The following IGSF10 variants were observed in gnomAD, a reference collection of about 807,000 sequenced individuals.
The protein encoded by IGSF10 is immunoglobulin superfamily member 10, also known as calvaria mechanical force protein 608.
IGSF10 carries 126 observed loss-of-function variants against 128.2 expected under a neutral mutation model. The ratio of observed to expected loss-of-function variants is 0.98; its 90% CI spans 0.85 to 1.14. IGSF10 has a LOEUF of 1.14. Among genes scored for constraint, IGSF10 ranks in the 50% most tolerant of loss-of-function variants. The pLI is 0.00. For synonymous variants in IGSF10, 1,185 were observed against 1,146.2 expected (o/e 1.03, Z -0.68); for missense variants, 3,295 against 3,149.8 (o/e 1.05, Z -1.10).
At chr3:151,484,945 A>G in the IGSF10 span, among the ~76,000 whole-genome samples, 1 of 152,276 alleles carries the variant, frequency 6.6e-6, no homozygotes, top group African/African-American at 2.4e-5. Flanking sequence ...AACTGGATGG[A>G]GAATGAGTGT....
the IGSF10 span, among the ~76,000 whole-genome samples, chr3:151,495,615 C>A: frequency 6.6e-6 from 1 of 151,988 alleles, no homozygotes; most frequent in Non-Finnish European, 1.5e-5. Context: ...TAATAACAAG[C>A]ATCCCAAATG....
the IGSF10 span, among the ~76,000 whole-genome samples, chr3:151,582,211 A>T: frequency 6.7e-6 from 1 of 148,328 alleles, no homozygotes; most frequent in Non-Finnish European, 1.5e-5. Context: ...AGATATTTTC[A>T]TTGGCTTCCC....
the IGSF10 span, among the ~76,000 whole-genome samples, chr3:151,467,843 C>T: frequency 0.36 from 53,273 of 149,034 alleles, 9,534 homozygotes; most frequent in Middle Eastern, 0.39. Context: ...GAGATCGTGC[C>T]ACTGCATTCC....
At chr3:151,590,369 C>T in the IGSF10 span, among the ~76,000 whole-genome samples, 1 of 151,772 alleles carries the variant, frequency 6.6e-6, no homozygotes, top group East Asian at 1.9e-4. Context: ...AAAATGAAAA[C>T]AAGAAAAGAT....
chr3:151,548,986 A>G, the IGSF10 span, among the ~76,000 whole-genome samples: 1 of 151,992 alleles, frequency 6.6e-6, no homozygotes, highest in Non-Finnish European at 1.5e-5. Context: ...CTTCTTGTCT[A>G]TACTAGGATG....
the IGSF10 span, among the ~76,000 whole-genome samples, chr3:151,487,490 C>A: frequency 1.3e-5 from 2 of 152,164 alleles, no homozygotes; most frequent in African/African-American, 2.4e-5. Flanking sequence ...ATGAGGCCAG[C>A]ATCATCCTGA....
the IGSF10 span, among the ~76,000 whole-genome samples, chr3:151,584,805 G>C: frequency 6.6e-6 from 1 of 152,182 alleles, no homozygotes; most frequent in Non-Finnish European, 1.5e-5. Context: ...TCCTAGGGAA[G>C]CTGGTTCCTC....
the IGSF10 span, among the ~76,000 whole-genome samples, chr3:151,552,148 T>C: frequency 1.1e-4 from 16 of 152,210 alleles, no homozygotes; most frequent in South Asian, 3.3e-3. Flanking sequence ...GTGTAGCATT[T>C]CCCCCTTTGC....
the IGSF10 span, among the ~76,000 whole-genome samples, chr3:151,535,652 A>G: frequency 6.6e-6 from 1 of 152,182 alleles, no homozygotes. Context: ...TAGAATTAGA[A>G]TTTACAATAA....
chr3:151,518,136 A>G, the IGSF10 span, among the ~76,000 whole-genome samples: 1 of 152,036 alleles, frequency 6.6e-6, no homozygotes, highest in African/African-American at 2.4e-5. Context: ...GTTTTTCTGT[A>G]CATTGTGAAC....
the IGSF10 span, among the ~76,000 whole-genome samples, chr3:151,533,330 C>CA: frequency 1.3e-5 from 2 of 151,872 alleles, no homozygotes; most frequent in African/African-American, 2.4e-5. Flanking sequence ...CATATGGAAC[C>CA]AAAAAAAGAG....
chr3:151,461,301 C>A (rs959551323), upstream of IGSF10: 1 of 985,210 alleles, frequency 1.0e-6, no homozygotes, highest in Non-Finnish European at 1.2e-6. Context: ...CCTCCTTGAC[C>A]TCTTCCACCT....
At chr3:151,549,961 T>A in the IGSF10 span, among the ~76,000 whole-genome samples, 7 of 152,248 alleles carry the variant, frequency 4.6e-5, no homozygotes, top group African/African-American at 1.7e-4. Flanking sequence ...CTATTTCCAA[T>A]AAATATACAT....
chr3:151,444,899 A>T lies in IGSF10; in HGVS notation c.5062+20T>A, dbSNP rs370898306. 4.1e-5 allele frequency: 64 copies of T among 1,544,464 alleles called. No individual in the cohort carries two copies. In the African/African-American group the frequency reaches 8.0e-4, roughly 19 times the overall value. Reference sequence around the variant, plus strand: ...TTGTTTTCTAACAAAAACTAAGTGTAAAGAAAAAGTTTCACATACCTGATG... The same window carrying T: ...TTGTTTTCTAACAAAAACTAAGTGTTAAGAAAAAGTTTCACATACCTGATG... On this transcript the variant is annotated intron_variant, in intron 6 of 7. Coordinates refer to ENST00000282466, the MANE Select transcript of IGSF10 (RefSeq NM_178822.5).
chr3:151,604,750 A>G, the IGSF10 span, among the ~76,000 whole-genome samples: 1 of 152,094 alleles, frequency 6.6e-6, no homozygotes. Context: ...CTTTAAAAAT[A>G]TGGACAATTC....
the IGSF10 span, among the ~76,000 whole-genome samples, chr3:151,601,352 T>A: frequency 9.2e-5 from 14 of 152,184 alleles, no homozygotes; most frequent in Non-Finnish European, 1.6e-4. Context: ...AAATTTTAAT[T>A]CATGCAGAAC....
Position 151,448,274 on chromosome 3 carries a change from T to TAC in IGSF10, c.1705_1706dup (p.Glu570Ter), listed in dbSNP as rs759001547. On this transcript the variant is annotated frameshift_variant, in exon 6 of 8. Transcript: ENST00000282466. LOFTEE classifies it high-confidence loss of function. ...CCTGATAGGCTTCGACCAAAGGTTC[T>TAC]ACCACAGTTATCCTATAGGTGAGAA... 1 of 1,614,242 alleles carries TAC rather than the reference T, an allele frequency of 6.2e-7. No individual in the cohort carries two copies. Among genetic ancestry groups the TAC allele is most frequent in the Admixed American group, 1.7e-5 (1 of 60,030 alleles).
chr3:151,487,519 A>G, the IGSF10 span, among the ~76,000 whole-genome samples: 1 of 152,172 alleles, frequency 6.6e-6, no homozygotes, highest in African/African-American at 2.4e-5. Context: ...CCTGGCAGAG[A>G]CACAACAAAA....
chr3:151,482,806 T>C, the IGSF10 span, among the ~76,000 whole-genome samples: 1 of 151,960 alleles, frequency 6.6e-6, no homozygotes, highest in East Asian at 1.9e-4. Context: ...GAAAAGCACC[T>C]ACATCATAGA....
Sources: gnomAD v4.1 joint callset for allele counts (sites outside exome capture counted in the v4.1 genomes callset) on GRCh38, gnomAD v4.1.1 for gene constraint, MANE v1.5 for transcripts, NCBI Gene and HGNC (gene_info 2026-07-23, HGNC 2026-07-21) for gene names.